STK3: variants seen among roughly 807,000 people sequenced by gnomAD.
STK3 encodes the protein serine/threonine kinase 3, also known as serine/threonine-protein kinase 3.
In STK3, 41 loss-of-function variants were observed where a neutral mutation model predicts 58.0. That is an observed-to-expected ratio of 0.71 (90% CI 0.55 to 0.92). The LOEUF (loss-of-function observed/expected upper bound fraction) is 0.92. Among genes scored for constraint, STK3 ranks in the 40% least tolerant of loss-of-function variants. The pLI is 0.00. For synonymous variants in STK3, 170 were observed against 191.0 expected (o/e 0.89, Z 0.91); for missense variants, 479 against 602.7 (o/e 0.79, Z 2.15).
chr8:98,473,317 C>T (rs1483614515), intron 10 of STK3, among the ~76,000 whole-genome samples: 1 of 151,452 alleles, frequency 6.6e-6, no homozygotes, highest in Non-Finnish European at 1.5e-5. Flanking sequence ...TCTCAGAAAC[C>T]TATCTACACA....
intron 10 of STK3, among the ~76,000 whole-genome samples, chr8:98,518,100 T>C (rs1825072718): frequency 6.6e-6 from 1 of 152,116 alleles, no homozygotes; most frequent in African/African-American, 2.4e-5. Context: ...GCTCTTTTTG[T>C]AAGTCATTTT....
At chr8:98,420,798 AG>A (rs2131054811) in intron 3 of STK3, among the ~76,000 whole-genome samples, 2 of 152,382 alleles carry the variant, frequency 1.3e-5, no homozygotes, top group African/African-American at 4.8e-5. Flanking sequence ...ACAAGCACTC[AG>A]CAATTGGCAC....
intron 6 of STK3, among the ~76,000 whole-genome samples, chr8:98,619,722 T>C (rs201373880): frequency 4.1e-5 from 6 of 145,556 alleles, no homozygotes; most frequent in African/African-American, 1.6e-4. Context: ...AAAATGCTCA[T>C]CATCACTGGC....
chr8:98,388,925 T>TA (rs1346721294), upstream of STK3, among the ~76,000 whole-genome samples: 6 of 152,236 alleles, frequency 3.9e-5, no homozygotes, highest in Non-Finnish European at 5.9e-5. Flanking sequence ...ATCTGCCACT[T>TA]ACATTACTGA....
chr8:98,443,668 C>T (rs944541025), intron 1 of STK3, among the ~76,000 whole-genome samples: 16 of 151,936 alleles, frequency 1.1e-4, no homozygotes, highest in Admixed American at 7.9e-4. Context: ...GGCAATATGG[C>T]GAAACACTGT....
intron 3 of STK3, among the ~76,000 whole-genome samples, chr8:98,763,356 C>T (rs1468973564): frequency 2.6e-5 from 4 of 152,158 alleles, no homozygotes; most frequent in Non-Finnish European, 5.9e-5. Flanking sequence ...GTATTCAGCC[C>T]ATTATTAAAT....
intron 4 of STK3, among the ~76,000 whole-genome samples, chr8:98,743,053 A>G (rs1335238810): frequency 6.6e-6 from 1 of 152,010 alleles, no homozygotes; most frequent in Non-Finnish European, 1.5e-5. Flanking sequence ...AAGGAGAACT[A>G]CAAACCACTG....
chr8:98,385,109 G>C (rs557905255), intron 1 of STK3, among the ~76,000 whole-genome samples: 1 of 152,082 alleles, frequency 6.6e-6, no homozygotes, highest in Non-Finnish European at 1.5e-5. Context: ...TTTTCCCCAG[G>C]AGAGAAATAT....
intron 3 of STK3, among the ~76,000 whole-genome samples, chr8:98,415,223 A>C (rs1218613055): frequency 1.3e-5 from 2 of 152,164 alleles, no homozygotes; most frequent in African/African-American, 2.4e-5. Flanking sequence ...TCCTGCCAGA[A>C]TCTTGAACTG....
At chr8:98,418,784 A>G (rs1009696759) in intron 3 of STK3, among the ~76,000 whole-genome samples, 2 of 152,036 alleles carry the variant, frequency 1.3e-5, no homozygotes, top group Non-Finnish European at 2.9e-5. Context: ...ATCTAGGTGA[A>G]TTCTGCCCCA....
intron 8 of STK3, among the ~76,000 whole-genome samples, chr8:98,557,150 G>A (rs1811656419): frequency 2.6e-5 from 4 of 152,074 alleles, no homozygotes; most frequent in Admixed American, 2.6e-4. Flanking sequence ...ACTAGGGTAA[G>A]AATCTTTCAC....
At chr8:98,354,603 T>C in the STK3 span, among the ~76,000 whole-genome samples, 2 of 152,218 alleles carry the variant, frequency 1.3e-5, no homozygotes, top group Non-Finnish European at 1.5e-5. Context: ...TTTTCTGTTA[T>C]ATACAATTGA....
intron 3 of STK3, among the ~76,000 whole-genome samples, chr8:98,402,570 C>T (rs1009651931): frequency 1.1e-4 from 16 of 152,182 alleles, no homozygotes; most frequent in Middle Eastern, 3.2e-3. Context: ...GTGTCCCCTC[C>T]GGGACGGAGG....
At chr8:98,613,432 T>C (rs1206164032) in intron 6 of STK3, among the ~76,000 whole-genome samples, 1 of 151,980 alleles carries the variant, frequency 6.6e-6, no homozygotes, top group Non-Finnish European at 1.5e-5. Flanking sequence ...TTTAAGAGTC[T>C]TTAAAAAAAT....
intron 3 of STK3, among the ~76,000 whole-genome samples, chr8:98,853,560 T>A (rs1836556884): frequency 6.6e-6 from 1 of 152,244 alleles, no homozygotes. Flanking sequence ...TCTCTGCTAA[T>A]GCACATTCTG....
At chr8:98,584,078 CTTTT>C (rs922620361) in intron 7 of STK3, among the ~76,000 whole-genome samples, 2 of 145,212 alleles carry the variant, frequency 1.4e-5, no homozygotes, top group African/African-American at 5.1e-5. Flanking sequence ...TAGTGAAAAT[CTTTT>C]TTTTTTTAAA....
At chr8:98,532,483 T>C (rs1826233949) in intron 9 of STK3, among the ~76,000 whole-genome samples, 1 of 152,076 alleles carries the variant, frequency 6.6e-6, no homozygotes, top group African/African-American at 2.4e-5. Context: ...ACAGACATAA[T>C]AATGATGAAA....
At chr8:98,427,959 C>A in intron 3 of STK3, 7 of 1,479,360 alleles carry the variant, frequency 4.7e-6, no homozygotes, top group Non-Finnish European at 5.4e-6. Context: ...CCGCGCGGCG[C>A]GGGCGGCCGG....
intron 6 of STK3, among the ~76,000 whole-genome samples, chr8:98,684,771 C>G (rs892858241): frequency 6.6e-6 from 1 of 152,130 alleles, no homozygotes; most frequent in African/African-American, 2.4e-5. Context: ...TTTCCAACAC[C>G]TGGTTCAGTA....
Sources: gnomAD v4.1 joint callset for allele counts (sites outside exome capture counted in the v4.1 genomes callset) on GRCh38, gnomAD v4.1.1 for gene constraint, MANE v1.5 for transcripts, NCBI Gene and HGNC (gene_info 2026-07-23, HGNC 2026-07-21) for gene names.